The following FARP1 variants were observed in gnomAD, a reference collection of about 807,000 sequenced individuals.
FARP1 encodes FERM, ARHGEF and pleckstrin domain-containing protein 1.
FARP1 carries 52 observed loss-of-function variants against 128.8 expected under a neutral mutation model. The observed-to-expected ratio is 0.40, with a 90% CI of 0.32 to 0.51. FARP1 has a LOEUF of 0.51. FARP1 is among the 20% of genes least tolerant of loss of function. FARP1 has a pLI of 0.45. For missense variants in FARP1, 1,333 were observed against 1,367.9 expected (o/e 0.97, Z 0.40); for synonymous variants, 580 against 551.8 (o/e 1.05, Z -0.72).
rs375930307 is a variant in FARP1 at position 98,388,366 on chromosome 13, A to C, written c.760-17A>C. 1 of 1,598,974 alleles carries C rather than the reference A, an allele frequency of 6.3e-7. No individual in the cohort carries two copies. The highest frequency in any genetic ancestry group is 8.6e-7 in the Non-Finnish European group (1 of 1,166,180). On this transcript the variant is annotated splice_polypyrimidine_tract_variant and intron_variant, in intron 8 of 26. Transcript: ENST00000319562. ...GTTATGCATTTCCTGGCTCACTGCT[A>C]CTGTCTTTCTTTTTAGGGTTTCACT... is the stretch of plus-strand genomic sequence containing the variant.
chr13:98,251,701 A>G (rs545819720), intron 2 of FARP1, among the ~76,000 whole-genome samples: 3 of 152,040 alleles, frequency 2.0e-5, no homozygotes, highest in African/African-American at 7.2e-5. Flanking sequence ...AAAAAAGAAA[A>G]AAAAGTCCCC....
At chr13:98,256,377 A>T (rs574965846) in intron 2 of FARP1, among the ~76,000 whole-genome samples, 3 of 152,286 alleles carry the variant, frequency 2.0e-5, no homozygotes, top group Admixed American at 2.0e-4. Flanking sequence ...GGTGGTTATC[A>T]GAGGCAGGGG....
intron 1 of FARP1, among the ~76,000 whole-genome samples, chr13:98,144,218 G>GTGTGTGTT (rs1875331566): frequency 6.7e-6 from 1 of 150,262 alleles, no homozygotes; most frequent in Admixed American, 6.6e-5. Flanking sequence ...GTGTGTGTGT[G>GTGTGTGTT]TGTGTGTGTT....
chr13:98,385,117 A>T (rs1214381343), intron 7 of FARP1, among the ~76,000 whole-genome samples: 1 of 152,230 alleles, frequency 6.6e-6, no homozygotes, highest in African/African-American at 2.4e-5. Context: ...CATCAAGCTA[A>T]TGACAAATTG....
In FARP1 at chr13:98,278,992, A is replaced by ATTTTT. The variant is rs34010258; in HGVS notation, c.172-64758_172-64754dup. On this transcript the variant is annotated intron_variant, in intron 2 of 26. Coordinates refer to ENST00000319562, the MANE Select transcript of FARP1 (RefSeq NM_005766.4). ...AGGCACCTGCCACCACGCCCTGCTA[A>ATTTTT]TTTTTTTTTTTTTTTTGTATTTTTA... Among the ~76,000 whole-genome samples the ATTTTT allele has an allele frequency of 6.9e-3, 946 of 137,742 alleles. 15 individuals carry two copies. Among genetic ancestry groups the ATTTTT allele is most frequent in the African/African-American group, 0.025 (887 of 36,088 alleles). The allele number at this position is 137,742 out of a possible 152,430, so 90.4% of individuals were successfully genotyped here.
intron 1 of FARP1, among the ~76,000 whole-genome samples, chr13:98,149,483 T>C (rs1395712055): frequency 6.6e-6 from 1 of 152,178 alleles, no homozygotes; most frequent in Non-Finnish European, 1.5e-5. Context: ...AGTGTGTGCC[T>C]AACTTTATAA....
intron 2 of FARP1, chr13:98,332,252 C>A (rs553029985): frequency 6.6e-6 from 1 of 152,234 alleles, no homozygotes; most frequent in African/African-American, 2.4e-5. Flanking sequence ...CTTCCTCCAC[C>A]CCCAGCCCTA....
At chr13:98,435,101 G>A (rs1012966136) in intron 18 of FARP1, 1 of 153,310 alleles carries the variant, frequency 6.5e-6, no homozygotes, top group African/African-American at 2.4e-5. Context: ...GTGGTGGAAT[G>A]TTAGTTACCT....
At position 98,390,872 on chromosome 13, in the gene FARP1, G is replaced by A. The variant is rs1421634665; in HGVS notation, c.1080G>A (p.Gln360=). The part of the protein sequence containing the change: ...YVKEGGHKKV[Q]FERKHSKIHS... ...AAGAAGGAGGACATAAGAAGGTGCA[G>A]TTTGAAAGGTAAGAGAAGCTTCAAT... Residue 360 remains glutamine (Q), a synonymous_variant, in exon 11 of 27, where the codon CAG becomes CAA. Transcript: ENST00000319562. The A allele has an allele frequency of 6.2e-7, 1 of 1,611,940 alleles. No homozygotes were observed. The highest frequency in any genetic ancestry group is 1.1e-5 in the South Asian group (1 of 90,962).
At chr13:98,435,245 GTC>G (rs1026588803) in intron 18 of FARP1, among the ~76,000 whole-genome samples, 18 of 152,252 alleles carry the variant, frequency 1.2e-4, no homozygotes, top group African/African-American at 3.9e-4. Context: ...GAAAAGAAAA[GTC>G]TCTACCCAGG....
rs60511134 is a variant in FARP1, at chr13:98,400,185, G to A, written c.1414+4709G>A. On this transcript the variant is annotated intron_variant, in intron 13 of 26. Transcript: ENST00000319562. ...GCCAAGCAATGCTGAAAAAAGCTAG[G>A]CCTGCAAAACTAAAACATAGCACGA... 6 of 152,220 alleles carry A rather than the reference G, an allele frequency of 3.9e-5. No homozygotes were observed. In the East Asian group the frequency reaches 7.7e-4, roughly 20 times the overall value. The allele number at this position is 152,220 out of a possible 1,614,324, so 9.4% of individuals were successfully genotyped here.
chr13:98,315,112 A>T (rs1886664854), intron 2 of FARP1, among the ~76,000 whole-genome samples: 1 of 152,156 alleles, frequency 6.6e-6, no homozygotes. Context: ...ATCGACTGTG[A>T]GTTAAAGATG....
chr13:98,411,890 C>T lies in FARP1; in HGVS notation c.1693-11C>T, dbSNP rs2140120372. The T allele has an allele frequency of 6.2e-7, 1 of 1,613,380 alleles. No homozygotes were observed. The highest frequency in any genetic ancestry group is 8.5e-7 in the Non-Finnish European group (1 of 1,179,728). ...TTTCCACCCGTAAGTGCATCGTCTTCTTCTTTCCAGTGGTTTCAGAGCACA... is the reference window on the plus strand; with the variant it reads ...TTTCCACCCGTAAGTGCATCGTCTTTTTCTTTCCAGTGGTTTCAGAGCACA... On this transcript the variant is annotated splice_polypyrimidine_tract_variant and intron_variant, in intron 15 of 26. Transcript: ENST00000319562.
intron 2 of FARP1, among the ~76,000 whole-genome samples, chr13:98,315,517 T>A (rs1231910838): frequency 6.6e-6 from 1 of 152,160 alleles, no homozygotes; most frequent in Non-Finnish European, 1.5e-5. Flanking sequence ...TGCCCGTTTG[T>A]CTCCACTCCT....
At chr13:98,215,265 G>A (rs1421550348) in intron 2 of FARP1, among the ~76,000 whole-genome samples, 1 of 152,192 alleles carries the variant, frequency 6.6e-6, no homozygotes, top group African/African-American at 2.4e-5. Context: ...TAAGCCCTTT[G>A]TCTGGAAGGA....
At chr13:98,192,222 T>G (rs1199135240) in intron 1 of FARP1, among the ~76,000 whole-genome samples, 1 of 152,178 alleles carries the variant, frequency 6.6e-6, no homozygotes. Flanking sequence ...TTCTTTGCGT[T>G]TATAGCCTTT....
chr13:98,313,242 T>C (rs866744173), intron 2 of FARP1, among the ~76,000 whole-genome samples: 27 of 120,008 alleles, frequency 2.2e-4, no homozygotes, highest in East Asian at 5.3e-4. Flanking sequence ...TGGGTCATAA[T>C]ACACACACAC....
chr13:98,151,093 ATCTCTTAGCG>A (rs1875964762), intron 1 of FARP1, among the ~76,000 whole-genome samples: 2 of 142,622 alleles, frequency 1.4e-5, no homozygotes, highest in Non-Finnish European at 3.2e-5. Flanking sequence ...GCTTGATGAA[ATCTCTTAGCG>A]TCCCACTCTG....
intron 12 of FARP1, among the ~76,000 whole-genome samples, 199 bp from the exon 13 acceptor site, chr13:98,395,028 C>T (rs1327661131): frequency 2.0e-5 from 3 of 152,166 alleles, no homozygotes; most frequent in Non-Finnish European, 2.9e-5. Context: ...TGCTGTCAGC[C>T]GCCACGCCCT....
Sources: allele counts gnomAD v4.1 joint callset (sites outside exome capture counted in the v4.1 genomes callset), GRCh38; gene constraint gnomAD v4.1.1; transcripts MANE v1.5; gene names NCBI Gene and HGNC (gene_info 2026-07-23, HGNC 2026-07-21).